Variants in ANK3 observed in about 807,000 individuals in gnomAD.
ANK3 encodes ankyrin 3.
Under a neutral mutation model 370.9 loss-of-function variants are expected in ANK3, and 57 were observed. The ratio of observed to expected loss-of-function variants is 0.15; its 90% CI spans 0.12 to 0.19. The LOEUF (loss-of-function observed/expected upper bound fraction) is 0.19. ANK3 is among the 10% of genes least tolerant of loss of function. The pLI is 1.00. For missense variants in ANK3, 4,439 were observed against 5,302.1 expected (o/e 0.84, Z 5.06); for synonymous variants, 1,929 against 1,946.3 (o/e 0.99, Z 0.23).
intron 23 of ANK3, among the ~76,000 whole-genome samples, chr10:60,156,498 C>T (rs573745843): frequency 1.2e-4 from 18 of 152,250 alleles, no homozygotes; most frequent in African/African-American, 4.3e-4. Context: ...CAAGGCTTTA[C>T]ATGTGACCCT....
At position 60,278,858 on chromosome 10, in the gene ANK3, T is replaced by G; in HGVS notation, c.330A>C (p.Ala110=). The change falls in exon 4 of 44, where the codon GCA becomes GCC. Residue 110 remains alanine, a synonymous_variant. Transcript: ENST00000280772. Reference sequence around the variant, plus strand: ...GCCCAGCCAAAGATGCGATGTGCAATGCTGTGTTTCCTTTCTGTGAAATGA... The same window carrying G: ...GCCCAGCCAAAGATGCGATGTGCAAGGCTGTGTTTCCTTTCTGTGAAATGA... The part of the protein sequence containing the change: ...VDAATKKGNT[A]LHIASLAGQA... 1 of 1,613,898 alleles carries G rather than the reference T, an allele frequency of 6.2e-7. No homozygotes were observed. Among genetic ancestry groups the G allele is most frequent in the Non-Finnish European group, 8.5e-7 (1 of 1,179,900 alleles).
At chr10:60,049,791 G>C (rs1378851145) in intron 42 of ANK3, among the ~76,000 whole-genome samples, 2 of 152,160 alleles carry the variant, frequency 1.3e-5, no homozygotes, top group Non-Finnish European at 2.9e-5. Context: ...AATTCTAGGA[G>C]ACCAAAGGAA....
intron 2 of ANK3, among the ~76,000 whole-genome samples, chr10:60,502,893 AAAG>A (rs2075841282): frequency 2.6e-5 from 4 of 151,312 alleles, no homozygotes; most frequent in African/African-American, 7.3e-5. Context: ...AGAAAGAGAG[AAAG>A]AGAACAAGAC....
At chr10:60,580,374 C>T (rs1438962945) in intron 2 of ANK3, among the ~76,000 whole-genome samples, 8 of 152,150 alleles carry the variant, frequency 5.3e-5, no homozygotes, top group Admixed American at 5.2e-4. Context: ...TGACAGCCAG[C>T]ATATAAACAC....
At chr10:60,702,123 A>G (rs2079552909) in intron 1 of ANK3, among the ~76,000 whole-genome samples, 1 of 152,014 alleles carries the variant, frequency 6.6e-6, no homozygotes, top group African/African-American at 2.4e-5. Context: ...GAAATTAGTC[A>G]GGTGGGGTGG....
intron 7 of ANK3, among the ~76,000 whole-genome samples, chr10:60,261,379 T>A (rs1410642494): frequency 1.3e-5 from 2 of 152,208 alleles, no homozygotes; most frequent in African/African-American, 2.4e-5. Flanking sequence ...AACTTGTTAC[T>A]CATTATGAAA....
intron 2 of ANK3, among the ~76,000 whole-genome samples, chr10:60,608,194 A>T (rs1440331221): frequency 6.6e-6 from 1 of 152,302 alleles, no homozygotes; most frequent in East Asian, 1.9e-4. Flanking sequence ...ATGAGTTAAC[A>T]TCATATAGCA....
intron 2 of ANK3, among the ~76,000 whole-genome samples, chr10:60,399,488 G>T (rs1375399117): frequency 6.6e-6 from 1 of 152,000 alleles, no homozygotes; most frequent in African/African-American, 2.4e-5. Context: ...TCACCTCAAG[G>T]TTGTTATTAA....
At position 60,068,812 on chromosome 10, in the gene ANK3, G is replaced by A. The variant is rs761446516; in HGVS notation, c.12069C>T (p.Ser4023=). The A allele has an allele frequency of 1.8e-5, 29 of 1,614,028 alleles. No homozygotes were observed. Among genetic ancestry groups the A allele is most frequent in the Middle Eastern group, 1.6e-4 (1 of 6,084 alleles). Reference sequence around the variant, plus strand: ...TACTTTCTTCCTCATCGGACAACTCGGACTGCATCTTTTTTTCTTCTTCAG... The same window carrying A: ...TACTTTCTTCCTCATCGGACAACTCAGACTGCATCTTTTTTTCTTCTTCAG... ...RLSEEEKKMQ[S]ELSDEEESTS... Residue 4023 remains serine (S), a synonymous_variant, in exon 37 of 44, where the codon TCC becomes TCT. Coordinates refer to ENST00000280772, the MANE Select transcript of ANK3 (RefSeq NM_020987.5).
In ANK3 at chr10:60,266,703, C is replaced by T. The variant is rs544858790; in HGVS notation, c.514-2683G>A. 1.0e-3 allele frequency among the ~76,000 whole-genome samples: 158 copies of T among 152,314 alleles called. 1 individual carries two copies. The Middle Eastern group carries it at 0.014, about 13-fold the overall frequency. ...AATTAAAGACACAAAGATACCAGCT[C>T]TAAGGTGTTAATAGCTAAAATTAGC... is the stretch of plus-strand genomic sequence containing the variant. On this transcript the variant is annotated intron_variant, in intron 5 of 43. Transcript: ENST00000280772.
rs1380570423 is a variant in ANK3 at position 60,615,344 on chromosome 10, G to T, written c.58-120C>A. The T allele has an allele frequency of 7.3e-6, 4 of 550,632 alleles. No homozygotes were observed. In the African/African-American group the frequency reaches 7.9e-5, roughly 11 times the overall value. The allele number at this position is 550,632 out of a possible 1,614,324, so 34.1% of individuals were successfully genotyped here. A position where few individuals can be genotyped will look rare whatever the true frequency, so the allele number is the denominator to read the frequency against. On this transcript the variant is annotated intron_variant, in intron 1 of 43. Coordinates refer to the ANK3 transcript ENST00000373827. Reference sequence around the variant, plus strand: ...TATAAACATAGTAAGTTCCTTAAAAGGGGAGAACACAAAGTAAAATAGAGG... The same window carrying T: ...TATAAACATAGTAAGTTCCTTAAAATGGGAGAACACAAAGTAAAATAGAGG...
At chr10:60,085,410 C>T (rs1249120901) in intron 30 of ANK3, among the ~76,000 whole-genome samples, 157 bp from the exon 31 acceptor site, 2 of 152,128 alleles carry the variant, frequency 1.3e-5, no homozygotes, top group Admixed American at 1.3e-4. Flanking sequence ...TTCCTCTCTA[C>T]TCTCCTTTTA....
At chr10:60,393,707 T>C (rs2063158792), upstream of ANK3, among the ~76,000 whole-genome samples, 1 of 152,186 alleles carries the variant, frequency 6.6e-6, no homozygotes, top group African/African-American at 2.4e-5. Flanking sequence ...AGCCAATTAA[T>C]AACTTGACTA....
chr10:60,128,816 C>T (rs1051219157), intron 25 of ANK3, among the ~76,000 whole-genome samples: 2 of 152,188 alleles, frequency 1.3e-5, no homozygotes, highest in Non-Finnish European at 2.9e-5. Context: ...TTCACCACCA[C>T]CATAAGTGTT....
chr10:60,147,130 G>A (rs557785694), intron 23 of ANK3, among the ~76,000 whole-genome samples: 1 of 152,208 alleles, frequency 6.6e-6, no homozygotes, highest in Non-Finnish European at 1.5e-5. Context: ...ACGAGGTGGT[G>A]TTTGGAGGAT....
At position 60,374,048 on chromosome 10, in the gene ANK3, A is replaced by G. The variant is rs150486782; in HGVS notation, c.114+15377T>C. The stretch of plus-strand genomic sequence containing the variant: ...TGTCAAGGGAGCTAGAAGAGGACAC[A>G]CTGTGATTTGTAGTCCTGCCCAAGT... On this transcript the variant is annotated intron_variant, in intron 1 of 43. Coordinates refer to ENST00000280772, the MANE Select transcript of ANK3 (RefSeq NM_020987.5). Among the ~76,000 whole-genome samples, 7 of 152,166 alleles carry G rather than the reference A, an allele frequency of 4.6e-5. No homozygotes were observed. The East Asian group carries it at 1.4e-3, about 30-fold the overall frequency.
At chr10:60,630,388 T>C (rs1433888243) in intron 1 of ANK3, among the ~76,000 whole-genome samples, 1 of 152,244 alleles carries the variant, frequency 6.6e-6, no homozygotes, top group Non-Finnish European at 1.5e-5. Flanking sequence ...CCTACCATGT[T>C]ACCAATTGTT....
chr10:60,488,105 A>T (rs1015845560), intron 2 of ANK3, among the ~76,000 whole-genome samples: 10 of 152,206 alleles, frequency 6.6e-5, no homozygotes, highest in African/African-American at 2.2e-4. Flanking sequence ...AGTAAGATAC[A>T]GGGAAAAAAG....
intron 5 of ANK3, among the ~76,000 whole-genome samples, chr10:60,266,176 C>T (rs756876683): frequency 2.0e-5 from 3 of 151,960 alleles, no homozygotes; most frequent in Non-Finnish European, 2.9e-5. Context: ...GTCACAAAAA[C>T]GATATCATAG....
Sources: allele counts gnomAD v4.1 joint callset (sites outside exome capture counted in the v4.1 genomes callset), GRCh38; gene constraint gnomAD v4.1.1; transcripts MANE v1.5; gene names NCBI Gene and HGNC (gene_info 2026-07-23, HGNC 2026-07-21).